MCF2L2: variants seen among roughly 807,000 people sequenced by gnomAD.
The protein encoded by MCF2L2 is probable guanine nucleotide exchange factor MCF2L2.
MCF2L2 carries 102 observed loss-of-function variants against 150.2 expected under a neutral mutation model. The ratio of observed to expected loss-of-function variants is 0.68; its 90% CI spans 0.58 to 0.80. MCF2L2 has a LOEUF of 0.80. Among genes scored for constraint, MCF2L2 ranks in the 30% least tolerant of loss-of-function variants. The pLI, the probability that MCF2L2 is intolerant of heterozygous loss-of-function variation, is 0.00. For synonymous variants in MCF2L2, 465 were observed against 491.3 expected (o/e 0.95, Z 0.71); for missense variants, 1,256 against 1,372.8 (o/e 0.91, Z 1.34).
At chr3:183,359,909 A>G (rs1283229145) in intron 3 of MCF2L2, among the ~76,000 whole-genome samples, 2 of 152,216 alleles carry the variant, frequency 1.3e-5, no homozygotes, top group East Asian at 3.8e-4. Context: ...ACCTTCTTAC[A>G]TGTGCAAAAG....
intron 3 of MCF2L2, among the ~76,000 whole-genome samples, chr3:183,358,553 G>C (rs144446396): frequency 4.5e-4 from 68 of 152,302 alleles, no homozygotes; most frequent in African/African-American, 1.6e-3. Context: ...ATGAAACAAG[G>C]AAAAATCTAT....
Position 183,333,790 on chromosome 3 carries a change from C to T in MCF2L2, c.486+5010G>A, listed in dbSNP as rs77578926. On this transcript the variant is annotated intron_variant, in intron 5 of 29. Transcript: ENST00000328913. The stretch of plus-strand genomic sequence containing the variant: ...TCTGTCTGCTGAAAGAGCCTAAAAA[C>T]AAAGATACCAAGTAGTAATAGCACA... Among the ~76,000 whole-genome samples the T allele has an allele frequency of 1.1e-3, 167 of 152,120 alleles. 1 individual carries two copies. The Middle Eastern group carries it at 0.014, about 12-fold the overall frequency.
At chr3:183,258,009 C>T (rs1422658571) in intron 15 of MCF2L2, among the ~76,000 whole-genome samples, 3 of 127,868 alleles carry the variant, frequency 2.3e-5, no homozygotes, top group African/African-American at 6.3e-5. Flanking sequence ...GCTCTGTTGC[C>T]CAGGCTGGAG....
At chr3:183,363,426 G>A (rs1031172435) in intron 3 of MCF2L2, among the ~76,000 whole-genome samples, 2 of 152,096 alleles carry the variant, frequency 1.3e-5, no homozygotes, top group Non-Finnish European at 2.9e-5. Flanking sequence ...TGATGCAGAC[G>A]AATGGAAAAA....
In MCF2L2 at chr3:183,311,652, C is replaced by T; in HGVS notation, c.874G>A (p.Glu292Lys). 1.2e-6 allele frequency: 2 copies of T among 1,613,948 alleles called. No individual in the cohort carries two copies. Among genetic ancestry groups the T allele is most frequent in the Non-Finnish European group, 1.7e-6 (2 of 1,179,966 alleles). Residue 292 changes from glutamate to lysine, a missense_variant, in exon 8 of 30, where the codon GAA becomes AAA. By Grantham distance (56) the Glu-to-Lys change is moderately conservative. Coordinates refer to ENST00000328913, the MANE Select transcript of MCF2L2 (RefSeq NM_015078.4). ...LNQLENVTTMERLLVQLDETE... is the reference protein window; with the variant it reads ...LNQLENVTTMKRLLVQLDETE... ...GATTCCACTTCACTCACTCACCTTT[C>T]CATGGTAGTTACATTCTCAAGTTGG...
intron 4 of MCF2L2, among the ~76,000 whole-genome samples, chr3:183,341,177 C>T (rs1730680622): frequency 6.6e-6 from 1 of 152,180 alleles, no homozygotes; most frequent in Non-Finnish European, 1.5e-5. Flanking sequence ...GTGGAACACA[C>T]CTCAGAATTG....
intron 14 of MCF2L2, among the ~76,000 whole-genome samples, chr3:183,279,038 C>T (rs1727326448): frequency 6.6e-6 from 1 of 152,064 alleles, no homozygotes; most frequent in Non-Finnish European, 1.5e-5. Context: ...ACAGCAGATC[C>T]AGAGACTGCA....
intron 1 of MCF2L2, among the ~76,000 whole-genome samples, chr3:183,413,139 C>T (rs1459940053): frequency 6.6e-6 from 1 of 151,948 alleles, no homozygotes; most frequent in Non-Finnish European, 1.5e-5. Flanking sequence ...TTTGTTGAGC[C>T]TTTTTGTATC....
At chr3:183,342,540 C>A (rs987157147) in intron 3 of MCF2L2, among the ~76,000 whole-genome samples, 2 of 151,732 alleles carry the variant, frequency 1.3e-5, no homozygotes, top group African/African-American at 4.8e-5. Flanking sequence ...TTACTTAACC[C>A]CTGTAGTTTC....
chr3:183,187,107 A>G (rs143201846), intron 27 of MCF2L2, among the ~76,000 whole-genome samples: 1 of 152,312 alleles, frequency 6.6e-6, no homozygotes, highest in African/African-American at 2.4e-5. Context: ...TCATTGAAAT[A>G]CTAGAGTGCC....
chr3:183,215,611 T>G (rs866433646), intron 22 of MCF2L2, among the ~76,000 whole-genome samples: 1 of 152,214 alleles, frequency 6.6e-6, no homozygotes, highest in African/African-American at 2.4e-5. Flanking sequence ...AGAGAAACTC[T>G]GAAACAAGAA....
intron 2 of MCF2L2, among the ~76,000 whole-genome samples, chr3:183,382,116 T>C (rs1713563319): frequency 6.6e-6 from 1 of 152,090 alleles, no homozygotes; most frequent in Non-Finnish European, 1.5e-5. Flanking sequence ...TAGACTGCAG[T>C]GGTGTGATCT....
At chr3:183,269,274 T>C (rs1577002920) in intron 15 of MCF2L2, among the ~76,000 whole-genome samples, 1 of 142,972 alleles carries the variant, frequency 7.0e-6, no homozygotes, top group East Asian at 2.2e-4. Context: ...AAAAGGTCTC[T>C]GTACTCTGAA....
At chr3:183,220,203 T>TGGGCTTTGA (rs1723095828) in intron 20 of MCF2L2, among the ~76,000 whole-genome samples, 1 of 152,230 alleles carries the variant, frequency 6.6e-6, no homozygotes, top group African/African-American at 2.4e-5. Context: ...TTCTAAAATA[T>TGGGCTTTGA]GGGCTTTGAT....
intron 14 of MCF2L2, among the ~76,000 whole-genome samples, chr3:183,282,096 A>T (rs1462796072): frequency 6.6e-6 from 1 of 151,624 alleles, no homozygotes; most frequent in Non-Finnish European, 1.5e-5. Context: ...TAAGATCTTA[A>T]ATTTCCCAGC....
chr3:183,353,421 G>A (rs747002665), intron 3 of MCF2L2, among the ~76,000 whole-genome samples: 5 of 152,084 alleles, frequency 3.3e-5, no homozygotes, highest in Non-Finnish European at 5.9e-5. Context: ...GCCCGTTCCC[G>A]CACTGCTATA....
At chr3:183,255,287 T>A (rs1014358657) in intron 15 of MCF2L2, among the ~76,000 whole-genome samples, 7 of 152,202 alleles carry the variant, frequency 4.6e-5, no homozygotes, top group Non-Finnish European at 8.8e-5. Context: ...TGATTAGTGA[T>A]CAGCAGCAGA....
intron 7 of MCF2L2, among the ~76,000 whole-genome samples, chr3:183,316,332 T>G (rs1276432084): frequency 1.3e-5 from 2 of 150,752 alleles, no homozygotes; most frequent in African/African-American, 4.9e-5. Context: ...TTTTGGTGTT[T>G]TTTTGTTTTG....
chr3:183,199,942 A>C (rs1560337324), intron 25 of MCF2L2, among the ~76,000 whole-genome samples: 2 of 152,164 alleles, frequency 1.3e-5, no homozygotes, highest in Non-Finnish European at 2.9e-5. Flanking sequence ...ATGTCCCTAC[A>C]AAGGACATGA....
Sources: gnomAD v4.1 joint callset for allele counts (sites outside exome capture counted in the v4.1 genomes callset) on GRCh38, gnomAD v4.1.1 for gene constraint, MANE v1.5 for transcripts, NCBI Gene and HGNC (gene_info 2026-07-23, HGNC 2026-07-21) for gene names.